Variants in UGT1A3 observed in about 807,000 individuals in gnomAD.
UGT1A3 encodes the protein UDP glucuronosyltransferase family 1 member A3, also known as UDP-glucuronosyltransferase 1A3.
A neutral mutation model predicts 41.0 loss-of-function variants in UGT1A3; 31 were observed. The observed-to-expected ratio is 0.76, with a 90% CI of 0.57 to 1.02. The LOEUF is 1.02. Among genes scored for constraint, UGT1A3 ranks in the 50% least tolerant of loss-of-function variants. The probability of loss-of-function intolerance (pLI) is 0.00; values close to 1 mark genes in which losing one functional copy is unlikely to be tolerated. For synonymous variants in UGT1A3, 262 were observed against 257.6 expected (o/e 1.02, Z -0.17); for missense variants, 737 against 671.0 (o/e 1.10, Z -1.09).
chr2:233,737,440 C>T (rs575360355), intron 1 of UGT1A3, among the ~76,000 whole-genome samples: 16 of 152,288 alleles, frequency 1.1e-4, no homozygotes, highest in African/African-American at 3.1e-4. Context: ...GGGAGTGTCC[C>T]GTTTTTCCAG....
chr2:233,749,939 T>C (rs1438530093), intron 1 of UGT1A3, among the ~76,000 whole-genome samples: 1 of 151,928 alleles, frequency 6.6e-6, no homozygotes, highest in African/African-American at 2.4e-5. Context: ...CTTTCCTTTA[T>C]GAATTACCGA....
At chr2:233,738,236 C>A (rs1038259131) in intron 1 of UGT1A3, among the ~76,000 whole-genome samples, 4 of 152,220 alleles carry the variant, frequency 2.6e-5, no homozygotes, top group African/African-American at 4.8e-5. Flanking sequence ...GAGGCCCCTC[C>A]AGCCACATGG....
At chr2:233,738,500 C>T (rs1380943528) in intron 1 of UGT1A3, among the ~76,000 whole-genome samples, 1 of 152,068 alleles carries the variant, frequency 6.6e-6, no homozygotes, top group Admixed American at 6.5e-5. Context: ...CGGTTTTGAC[C>T]AAAATGCTGA....
At chr2:233,743,223 T>C (rs879890998) in intron 1 of UGT1A3, 26 of 414,194 alleles carry the variant, frequency 6.3e-5, no homozygotes, top group Middle Eastern at 7.1e-4. Context: ...TGCTCTTTGC[T>C]ATTTATTATG....
In UGT1A3 at chr2:233,767,880, C is replaced by T. The variant is rs144978321; in HGVS notation, c.1031C>T (p.Ser344Leu). Reference sequence around the variant, plus strand: ...TGGCGGTACACTGGAACCCGACCATCGAATCTTGCGAACAACACGATACTT... The same window carrying T: ...TGGCGGTACACTGGAACCCGACCATTGAATCTTGCGAACAACACGATACTT... ...VLWRYTGTRP[S>L]NLANNTILVK... Residue 344 changes from serine (S) to leucine (L), a missense_variant, in exon 3 of 5, where the codon TCG (serine) becomes TTG (leucine). Physicochemically the swap from Ser to Leu is moderately radical, Grantham distance 145 (BLOSUM62 -2). Transcript: ENST00000482026. 290 of 1,614,050 alleles carry T rather than the reference C, an allele frequency of 1.8e-4. No homozygotes were observed. Among genetic ancestry groups the T allele is most frequent in the Non-Finnish European group, 2.4e-4 (278 of 1,180,052 alleles).
chr2:233,764,212 A>G (rs903605972), intron 1 of UGT1A3, among the ~76,000 whole-genome samples: 1 of 152,176 alleles, frequency 6.6e-6, no homozygotes, highest in Non-Finnish European at 1.5e-5. Context: ...TTTTCTTTGA[A>G]GGGAATCAAT....
chr2:233,746,487 A>G (rs758052145), intron 1 of UGT1A3, among the ~76,000 whole-genome samples: 10 of 151,792 alleles, frequency 6.6e-5, no homozygotes, highest in Middle Eastern at 3.2e-3. Context: ...TTCCATGGAC[A>G]TGTCACTCTT....
At chr2:233,762,024 A>AT (rs967311965) in intron 1 of UGT1A3, among the ~76,000 whole-genome samples, 3 of 151,856 alleles carry the variant, frequency 2.0e-5, no homozygotes, top group African/African-American at 4.8e-5. Context: ...TTTGTATTTT[A>AT]TTTTTTTTAA....
intron 1 of UGT1A3, among the ~76,000 whole-genome samples, chr2:233,757,535 A>AATATATATACATATATAT (rs376887521): frequency 1.2e-3 from 108 of 88,048 alleles, no homozygotes; most frequent in Non-Finnish European, 1.7e-3. Context: ...GCCTGTAAGG[A>AATATATATACATATATAT]ATATATATAT....
chr2:233,772,354 T>A lies in UGT1A3; in HGVS notation c.1400T>A (p.Met467Lys). The change falls in exon 5 of 5, where the codon ATG becomes AAG. Residue 467 changes from methionine (M) to lysine (K), a missense_variant. Coordinates refer to ENST00000482026, the MANE Select transcript of UGT1A3 (RefSeq NM_019093.4). Reference sequence around the variant, plus strand: ...GCCGTGTTCTGGGTGGAGTTTGTGATGAGGCACAAGGGCGCGCCACACCTG... The same window carrying A: ...GCCGTGTTCTGGGTGGAGTTTGTGAAGAGGCACAAGGGCGCGCCACACCTG... ...DLAVFWVEFVMRHKGAPHLRP... is the reference protein window; with the variant it reads ...DLAVFWVEFVKRHKGAPHLRP... 1.2e-6 allele frequency: 2 copies of A among 1,614,252 alleles called. No homozygotes were observed. The highest frequency in any genetic ancestry group is 1.7e-6 in the Non-Finnish European group (2 of 1,180,050).
intron 1 of UGT1A3, chr2:233,753,778 CT>C (rs1025040138): frequency 6.6e-6 from 1 of 152,232 alleles, no homozygotes; most frequent in African/African-American, 2.4e-5. Flanking sequence ...AAACGCTTTT[CT>C]TTACATTTCC....
chr2:233,763,382 T>G (rs1698295022), intron 1 of UGT1A3, among the ~76,000 whole-genome samples: 1 of 152,252 alleles, frequency 6.6e-6, no homozygotes, highest in South Asian at 2.1e-4. Context: ...GCTTTCTTCC[T>G]TTTTAAACAA....
intron 1 of UGT1A3, chr2:233,748,060 A>T: frequency 1.9e-6 from 3 of 1,613,406 alleles, no homozygotes; most frequent in Non-Finnish European, 2.5e-6. Flanking sequence ...AACTGTGCCA[A>T]CAGGAAGCCA....
chr2:233,769,848 A>C lies in UGT1A3; in HGVS notation c.1307+1409A>C. ...CCAGCAACCTGGGCAACAGAGTGAG[A>C]CCCTGTCTCAAAAAAAAAAAAAAAA... is the stretch of plus-strand genomic sequence containing the variant. On this transcript the variant is annotated intron_variant, in intron 4 of 4. Transcript: ENST00000482026. The surrounding 1 kb of genome is among the most constrained non-coding windows in gnomAD (Gnocchi z 4.4). The C allele has an allele frequency of 1.9e-5, 9 of 472,234 alleles. No homozygotes were observed. Among genetic ancestry groups the C allele is most frequent in the South Asian group, 5.6e-5 (1 of 17,844 alleles). The allele number at this position is 472,234 out of a possible 1,614,324, so 29.3% of individuals were successfully genotyped here.
intron 1 of UGT1A3, among the ~76,000 whole-genome samples, chr2:233,737,657 C>T (rs962486142): frequency 2.6e-5 from 4 of 152,206 alleles, no homozygotes; most frequent in African/African-American, 9.6e-5. Context: ...CTGGGAGCTG[C>T]AGATCGGAGC....
Position 233,748,080 on chromosome 2 carries a change from G to A in UGT1A3, c.867+18087G>A, listed in dbSNP as rs1693856955. The stretch of plus-strand genomic sequence containing the variant: ...TGCCAACAGGAAGCCACTATCTCAG[G>A]TCGGTGTTCGTGCCTTCATCCAATC... On this transcript the variant is annotated intron_variant, in intron 1 of 4. Transcript: ENST00000482026. The A allele has an allele frequency of 1.2e-5, 19 of 1,613,008 alleles. 1 individual carries two copies. In the Admixed American group the frequency reaches 3.2e-4, roughly 27 times the overall value.
intron 1 of UGT1A3, chr2:233,753,518 C>T (rs1032528502): frequency 5.9e-5 from 9 of 152,196 alleles, no homozygotes; most frequent in Non-Finnish European, 1.0e-4. Flanking sequence ...AGTTGTTGCC[C>T]TTTTGCTCTC....
intron 4 of UGT1A3, 31 bp downstream of exon 4, chr2:233,768,470 G>A: frequency 6.2e-7 from 1 of 1,602,840 alleles, no homozygotes; most frequent in Non-Finnish European, 8.5e-7. Flanking sequence ...GAATACTTTG[G>A]TCATGGCATT....
Position 233,747,385 on chromosome 2 carries a change from C to T in UGT1A3, c.867+17392C>T, listed in dbSNP as rs531193212. The T allele has an allele frequency of 6.7e-4, 1,075 of 1,604,740 alleles. 9 individuals are homozygous for T. The highest frequency in any genetic ancestry group is 4.1e-3 in the African/African-American group (305 of 74,460). Reference sequence around the variant, plus strand: ...GAGCTCCATGCCAGAGGCCACCAGGCGGTGGTCCTCACCCCAGAGGTGAAT... The same window carrying T: ...GAGCTCCATGCCAGAGGCCACCAGGTGGTGGTCCTCACCCCAGAGGTGAAT... On this transcript the variant is annotated intron_variant, in intron 1 of 4. Transcript: ENST00000482026.
Sources: gnomAD v4.1 joint callset for allele counts (sites outside exome capture counted in the v4.1 genomes callset) on GRCh38, gnomAD v4.1.1 for gene constraint, Gnocchi (gnomAD v3.1) non-coding constraint, MANE v1.5 for transcripts, NCBI Gene and HGNC (gene_info 2026-07-23, HGNC 2026-07-21) for gene names.